KANSL1: variants seen among roughly 807,000 people sequenced by gnomAD.
KANSL1 encodes the protein MLL1/MLL complex subunit KANSL1.
Under a neutral mutation model 103.6 loss-of-function variants are expected in KANSL1, and 22 were observed. The ratio of observed to expected loss-of-function variants is 0.21; its 90% CI spans 0.15 to 0.30. KANSL1 has a LOEUF of 0.30. KANSL1 is among the 10% of genes least tolerant of loss of function. The probability of loss-of-function intolerance (pLI) is 1.00; values close to 1 mark genes in which losing one functional copy is unlikely to be tolerated. For missense variants in KANSL1, 1,337 were observed against 1,399.8 expected (o/e 0.96, Z 0.72); for synonymous variants, 600 against 527.6 (o/e 1.14, Z -1.88).
intron 2 of KANSL1, among the ~76,000 whole-genome samples, chr17:46,125,583 G>C (rs1410913897): frequency 6.6e-6 from 1 of 152,138 alleles, no homozygotes; most frequent in African/African-American, 2.4e-5. Flanking sequence ...GGGGTGTATG[G>C]CTCCTATCTC....
chr17:46,193,607 G>C, upstream of KANSL1: 1 of 270,036 alleles, frequency 3.7e-6, no homozygotes, highest in Non-Finnish European at 7.8e-6. Flanking sequence ...CTCAGTCATG[G>C]CTCCTCGCCG....
chr17:46,160,646 A>G (rs1037535245), intron 2 of KANSL1, among the ~76,000 whole-genome samples: 2 of 152,178 alleles, frequency 1.3e-5, no homozygotes, highest in East Asian at 3.9e-4. Flanking sequence ...TCTTTTACTC[A>G]TATTGTAGGC....
At chr17:46,080,234 G>A (rs556947256) in intron 4 of KANSL1, among the ~76,000 whole-genome samples, 2 of 142,258 alleles carry the variant, frequency 1.4e-5, no homozygotes, top group South Asian at 4.5e-4. Flanking sequence ...AACAAGCACA[G>A]TCCAGGAGTT....
At chr17:46,119,790 ATCTG>A (rs1287241613) in intron 2 of KANSL1, among the ~76,000 whole-genome samples, 5 of 152,142 alleles carry the variant, frequency 3.3e-5, no homozygotes, top group Admixed American at 2.6e-4. Context: ...TACATTTCAC[ATCTG>A]TCTTTTTCTT....
At chr17:46,153,458 A>C (rs1274912837) in intron 2 of KANSL1, among the ~76,000 whole-genome samples, 2 of 152,268 alleles carry the variant, frequency 1.3e-5, no homozygotes, top group Non-Finnish European at 2.9e-5. Context: ...ATAAAGCCAC[A>C]GAAACATATT....
At position 46,032,118 on chromosome 17, in the gene KANSL1, G is replaced by A. The variant is rs1057522661; in HGVS notation, c.3019C>T (p.Arg1007Trp). ...LHSAPLTPVA[R>W]DTPRHLASED... ...CTGGCTAAGTGTCGCGGAGTGTCCC[G>A]AGCCACAGGGGTGAGGGGTGCTGAG... The change falls in exon 14 of 15, where the codon CGG (arginine) becomes TGG (tryptophan). Residue 1007 changes from arginine (R) to tryptophan (W), a missense_variant. This residue lies in a region of KANSL1 where 780 missense variants were observed against 923.4 expected (regional missense o/e 0.84). Transcript: ENST00000432791. The A allele has an allele frequency of 5.0e-6, 8 of 1,613,948 alleles. No individual in the cohort carries two copies. Among genetic ancestry groups the A allele is most frequent in the African/African-American group, 1.3e-5 (1 of 74,886 alleles).
chr17:46,053,449 ATACT>A (rs1017530744), intron 6 of KANSL1, among the ~76,000 whole-genome samples: 24 of 113,888 alleles, frequency 2.1e-4, no homozygotes, highest in Non-Finnish European at 4.1e-4. Flanking sequence ...AATATATTTA[ATACT>A]TATTTTTTTT....
intron 2 of KANSL1, among the ~76,000 whole-genome samples, chr17:46,126,124 G>C (rs1210334960): frequency 6.6e-6 from 1 of 152,046 alleles, no homozygotes; most frequent in Non-Finnish European, 1.5e-5. Flanking sequence ...GCCGGGCACA[G>C]TGTAATCCCA....
intron 1 of KANSL1, among the ~76,000 whole-genome samples, chr17:46,180,826 C>G (rs1398126805): frequency 3.3e-5 from 5 of 151,982 alleles, no homozygotes. Flanking sequence ...ATAGCGAGAT[C>G]GAGTCTCTGA....
intron 1 of KANSL1, among the ~76,000 whole-genome samples, chr17:46,191,816 T>C (rs1003373226): frequency 6.6e-6 from 1 of 152,010 alleles, no homozygotes; most frequent in African/African-American, 2.4e-5. Context: ...ACCAGGATTG[T>C]GAATGGAGGG....
chr17:46,085,462 C>G (rs1043922033), intron 3 of KANSL1, among the ~76,000 whole-genome samples: 1 of 152,058 alleles, frequency 6.6e-6, no homozygotes. Context: ...TAATCTTATG[C>G]CACATTATTT....
chr17:46,173,010 G>T (rs935634250), intron 1 of KANSL1, among the ~76,000 whole-genome samples: 7 of 152,096 alleles, frequency 4.6e-5, no homozygotes, highest in African/African-American at 1.7e-4. Context: ...CCATAATCTG[G>T]ATTTCACCCC....
intron 2 of KANSL1, among the ~76,000 whole-genome samples, chr17:46,164,373 G>A (rs1329508011): frequency 4.6e-5 from 7 of 152,324 alleles, no homozygotes; most frequent in Non-Finnish European, 7.3e-5. Flanking sequence ...AAAATGAGAA[G>A]AGAATAGAAG....
chr17:46,215,975 G>A (rs906516998), intron 1 of KANSL1, among the ~76,000 whole-genome samples: 5 of 152,324 alleles, frequency 3.3e-5, no homozygotes, highest in African/African-American at 9.6e-5. Context: ...GGGAGGCAGA[G>A]GCTGCCGTGA....
chr17:46,167,419 G>A (rs144100205), intron 2 of KANSL1, among the ~76,000 whole-genome samples: 19 of 152,188 alleles, frequency 1.2e-4, no homozygotes, highest in African/African-American at 4.3e-4. Context: ...AGATATTTAC[G>A]GAAGCATGCA....
rs747621748 is a variant in KANSL1 at position 46,171,026 on chromosome 17, C to T, written c.1118G>A (p.Ser373Asn). The T allele has an allele frequency of 1.9e-6, 3 of 1,614,102 alleles. No individual in the cohort carries two copies. Among genetic ancestry groups the T allele is most frequent in the Non-Finnish European group, 2.5e-6 (3 of 1,180,062 alleles). ...CTCCAATTCTTCTGAAATTGAATTG[C>T]TTTTCAGAAAGTTGCTAAGTCCCTC... Reference protein sequence around the residue: ...TSEGLSNFLKSNSISEELERF... With the variant: ...TSEGLSNFLKNNSISEELERF... Residue 373 changes from serine to asparagine, a missense_variant, in exon 2 of 15, where the codon AGC (serine) becomes AAC (asparagine). This residue lies in a region of KANSL1 where 557 missense variants were observed against 476.4 expected (regional missense o/e 1.17). Coordinates refer to ENST00000432791, the MANE Select transcript of KANSL1 (RefSeq NM_015443.4).
intron 2 of KANSL1, among the ~76,000 whole-genome samples, chr17:46,162,212 TA>T (rs2045778886): frequency 6.6e-6 from 1 of 152,214 alleles, no homozygotes; most frequent in Admixed American, 6.5e-5. Flanking sequence ...AATTCACTGG[TA>T]AACATGAAAG....
chr17:46,123,358 C>T (rs528379370), intron 2 of KANSL1, among the ~76,000 whole-genome samples: 1 of 152,186 alleles, frequency 6.6e-6, no homozygotes, highest in East Asian at 1.9e-4. Flanking sequence ...GCCTGGGCGG[C>T]AGAGCGAGAC....
At chr17:46,211,869 A>G (rs2048178532) in intron 1 of KANSL1, among the ~76,000 whole-genome samples, 2 of 152,258 alleles carry the variant, frequency 1.3e-5, no homozygotes, top group South Asian at 2.1e-4. Context: ...AAATGTAGGT[A>G]TATTAGGTCC....
Sources: gnomAD v4.1 joint callset for allele counts (sites outside exome capture counted in the v4.1 genomes callset) on GRCh38, gnomAD v4.1.1 for gene constraint, gnomAD v4.1.1 regional missense constraint, MANE v1.5 for transcripts, NCBI Gene and HGNC (gene_info 2026-07-23, HGNC 2026-07-21) for gene names.